Variants in FGF12 observed in about 807,000 individuals in gnomAD.
The protein encoded by FGF12 is fibroblast growth factor 12.
Under a neutral mutation model 23.6 loss-of-function variants are expected in FGF12, and 14 were observed. The ratio of observed to expected loss-of-function variants is 0.59; its 90% CI spans 0.39 to 0.93. The LOEUF is 0.93. Among genes scored for constraint, FGF12 ranks in the 40% least tolerant of loss-of-function variants. The pLI is 0.00. For synonymous variants in FGF12, 62 were observed against 77.3 expected (o/e 0.80, Z 1.04); for missense variants, 175 against 217.8 (o/e 0.80, Z 1.24).
chr3:192,232,120 A>AAGGG (rs1719054112), intron 4 of FGF12, among the ~76,000 whole-genome samples: 2 of 152,114 alleles, frequency 1.3e-5, no homozygotes, highest in Admixed American at 6.6e-5. Context: ...CCCATTGACA[A>AAGGG]TGTCATATCA....
intron 2 of FGF12, among the ~76,000 whole-genome samples, chr3:192,410,134 G>C (rs1247968792): frequency 2.0e-5 from 3 of 152,094 alleles, no homozygotes; most frequent in African/African-American, 4.8e-5. Context: ...CCGACCCACG[G>C]AAGAGCGAAA....
chr3:192,203,390 G>T (rs1019370214), intron 4 of FGF12, among the ~76,000 whole-genome samples: 2 of 151,982 alleles, frequency 1.3e-5, no homozygotes, highest in African/African-American at 2.4e-5. Context: ...TCATTCATTT[G>T]CACATATCCT....
At chr3:192,582,975 C>G (rs1467676523) in intron 2 of FGF12, among the ~76,000 whole-genome samples, 1 of 152,162 alleles carries the variant, frequency 6.6e-6, no homozygotes, top group Non-Finnish European at 1.5e-5. Context: ...CCTTCCCCCT[C>G]ATCACATATA....
At chr3:192,568,404 A>G (rs1183963900) in intron 2 of FGF12, among the ~76,000 whole-genome samples, 2 of 152,098 alleles carry the variant, frequency 1.3e-5, no homozygotes, top group East Asian at 1.9e-4. Flanking sequence ...TTTAGTTGCC[A>G]TAGAGCAATA....
intron 2 of FGF12, among the ~76,000 whole-genome samples, chr3:192,480,340 C>T (rs552015116): frequency 6.6e-6 from 1 of 152,268 alleles, no homozygotes; most frequent in South Asian, 2.1e-4. Context: ...GCACAATCAC[C>T]TTTAAGTATC....
In FGF12 at chr3:192,514,234, A is replaced by T. The variant is rs540598334; in HGVS notation, c.14-153696T>A. Among the ~76,000 whole-genome samples the T allele has an allele frequency of 1.1e-4, 16 of 152,360 alleles. No individual in the cohort carries two copies. The South Asian group carries it at 3.1e-3, about 30-fold the overall frequency. ...TTTCAGACAAAGCAAGAAAAAGAAA[A>T]TATACCTGCCTTGCCAGCCATCTGT... is the stretch of plus-strand genomic sequence containing the variant. On this transcript the variant is annotated intron_variant, in intron 2 of 5. Transcript: ENST00000445105. The surrounding 1 kb of genome is among the most constrained non-coding windows in gnomAD (Gnocchi z 4.9).
chr3:192,711,422 C>A (rs758000591), intron 2 of FGF12, among the ~76,000 whole-genome samples: 1 of 150,128 alleles, frequency 6.7e-6, no homozygotes, highest in Non-Finnish European at 1.5e-5. Context: ...CCCCTCTGCC[C>A]GGCCGCCACC....
chr3:192,401,593 T>C (rs78635456), intron 2 of FGF12, among the ~76,000 whole-genome samples: 5,980 of 152,274 alleles, frequency 0.039, 389 homozygotes, highest in African/African-American at 0.14. Flanking sequence ...TCTACTCTGC[T>C]TCCATTGCTA....
chr3:192,623,115 G>A (rs6444653), intron 2 of FGF12, among the ~76,000 whole-genome samples: 4 of 152,082 alleles, frequency 2.6e-5, no homozygotes, highest in Admixed American at 2.0e-4. Flanking sequence ...CCTGCTAGAG[G>A]TTATGGTAGA....
intron 4 of FGF12, among the ~76,000 whole-genome samples, chr3:192,308,606 G>A (rs1393454029): frequency 1.3e-5 from 2 of 151,874 alleles, no homozygotes; most frequent in Admixed American, 1.3e-4. Flanking sequence ...CTTGAACCTG[G>A]GAGGCAGAGG....
rs1018081574 is a variant in FGF12, at chr3:192,711,474, A to G, written c.13+15707T>C. 5.3e-5 allele frequency among the ~76,000 whole-genome samples: 8 copies of G among 152,164 alleles called. No homozygotes were observed. In the South Asian group the frequency reaches 1.2e-3, roughly 24 times the overall value. ...CCCAACAGCTCATTGAGAACGGGCC[A>G]TGATGAAGATGGCGGTTTTGTCGAA... On this transcript the variant is annotated intron_variant, in intron 2 of 5. Transcript: ENST00000445105.
intron 2 of FGF12, among the ~76,000 whole-genome samples, chr3:192,568,685 T>A (rs1712457634): frequency 6.6e-6 from 1 of 152,208 alleles, no homozygotes; most frequent in African/African-American, 2.4e-5. Flanking sequence ...TTATTAAATA[T>A]CTGCCTATTG....
At chr3:192,145,838 G>A (rs1046447386) in intron 5 of FGF12, among the ~76,000 whole-genome samples, 3 of 151,772 alleles carry the variant, frequency 2.0e-5, no homozygotes, top group Non-Finnish European at 4.4e-5. Flanking sequence ...TTCTTTTTTT[G>A]TTTCAACAAA....
At chr3:192,654,903 AAAAT>A (rs1716345077) in intron 2 of FGF12, among the ~76,000 whole-genome samples, 1 of 152,220 alleles carries the variant, frequency 6.6e-6, no homozygotes, top group African/African-American at 2.4e-5. Context: ...TGTGAAAAAA[AAAAT>A]AGTCAACTAG....
At chr3:192,393,977 C>T (rs1576944278) in intron 2 of FGF12, among the ~76,000 whole-genome samples, 1 of 152,244 alleles carries the variant, frequency 6.6e-6, no homozygotes, top group East Asian at 1.9e-4. Flanking sequence ...CTTGCCTCTC[C>T]ACATCCATTC....
chr3:192,505,853 T>C lies in FGF12; in HGVS notation c.14-145315A>G, dbSNP rs910403415. 3.3e-5 allele frequency among the ~76,000 whole-genome samples: 5 copies of C among 152,266 alleles called. No homozygotes were observed. The South Asian group carries it at 1.0e-3, about 32-fold the overall frequency. On this transcript the variant is annotated intron_variant, in intron 2 of 5. Coordinates refer to ENST00000445105, the MANE Select transcript of FGF12 (RefSeq NM_004113.6). ...GGCCATTCCCACAGGCTGGGAAGTG[T>C]AGCTCTGGCGAAGACCAGACACACG...
intron 4 of FGF12, among the ~76,000 whole-genome samples, chr3:192,191,656 A>T (rs1297125038): frequency 6.6e-6 from 1 of 152,148 alleles, no homozygotes; most frequent in African/African-American, 2.4e-5. Flanking sequence ...CAACATGGTG[A>T]AACCCCGTCT....
At chr3:192,234,178 C>T (rs1205895871) in intron 4 of FGF12, among the ~76,000 whole-genome samples, 1 of 152,044 alleles carries the variant, frequency 6.6e-6, no homozygotes, top group East Asian at 1.9e-4. Flanking sequence ...TTGATTCTTC[C>T]TGTCCATGGG....
chr3:192,517,020 C>T (rs368195182), intron 2 of FGF12: 3 of 152,204 alleles, frequency 2.0e-5, no homozygotes, highest in Non-Finnish European at 2.9e-5. Flanking sequence ...CGGTAGGGCT[C>T]TCCTATTCTG....
Sources: gnomAD v4.1 joint callset for allele counts (sites outside exome capture counted in the v4.1 genomes callset) on GRCh38, gnomAD v4.1.1 for gene constraint, Gnocchi (gnomAD v3.1) non-coding constraint, MANE v1.5 for transcripts, NCBI Gene and HGNC (gene_info 2026-07-23, HGNC 2026-07-21) for gene names.